BRIP1: variants seen among roughly 807,000 people sequenced by gnomAD.
The protein encoded by BRIP1 is Fanconi anemia group J protein.
Under a neutral mutation model 119.7 loss-of-function variants are expected in BRIP1, and 88 were observed. The ratio of observed to expected loss-of-function variants is 0.74; its 90% CI spans 0.62 to 0.88. The LOEUF is 0.88. Ranked by LOEUF, BRIP1 falls within the 40% of genes least tolerant of loss-of-function variation. The pLI is 0.00. For synonymous variants in BRIP1, 443 were observed against 496.5 expected (o/e 0.89, Z 1.43); for missense variants, 1,259 against 1,455.4 (o/e 0.87, Z 2.20).
Position 61,852,313 on chromosome 17 carries a change from G to T in BRIP1, c.380-3057C>A, listed in dbSNP as rs2078833270. 1.3e-5 allele frequency among the ~76,000 whole-genome samples: 2 copies of T among 152,232 alleles called. No homozygotes were observed. Among genetic ancestry groups the T allele is most frequent in the East Asian group, 3.9e-4 (2 of 5,184 alleles). On this transcript the variant is annotated intron_variant, in intron 4 of 19. Coordinates refer to ENST00000259008, the MANE Select transcript of BRIP1 (RefSeq NM_032043.3). This position sits in a 1 kb window ranked among gnomAD's most constrained non-coding sequence, Gnocchi z 4.9. Reference sequence around the variant, plus strand: ...AATCTTTAAGATACAAAGTTAAAAAGAAAGAAGATATCTCCCGATTATGTT... The same window carrying T: ...AATCTTTAAGATACAAAGTTAAAAATAAAGAAGATATCTCCCGATTATGTT...
intron 13 of BRIP1, among the ~76,000 whole-genome samples, chr17:61,779,291 T>C (rs2145061555): frequency 6.6e-6 from 1 of 152,228 alleles, no homozygotes; most frequent in East Asian, 1.9e-4. Flanking sequence ...TAAATAATTA[T>C]ACAAGCTGGG....
rs1335393546 is a variant in BRIP1, at chr17:61,726,161, C to T, written c.2380-10098G>A. Among the ~76,000 whole-genome samples the T allele has an allele frequency of 6.6e-6, 1 of 152,060 alleles. No individual in the cohort carries two copies. The highest frequency in any genetic ancestry group is 6.5e-5 in the Admixed American group (1 of 15,276). ...TTGACCTTGGACAAGTCACAGTAGC[C>T]CTTTATAATTTCCTTTCTCAATTTC... On this transcript the variant is annotated intron_variant, in intron 16 of 19. Coordinates refer to ENST00000259008, the MANE Select transcript of BRIP1 (RefSeq NM_032043.3). The surrounding 1 kb of genome is among the most constrained non-coding windows in gnomAD (Gnocchi z 6.2).
intron 16 of BRIP1, among the ~76,000 whole-genome samples, chr17:61,733,369 A>T (rs1030995389): frequency 4.6e-5 from 7 of 152,134 alleles, no homozygotes; most frequent in African/African-American, 1.7e-4. Flanking sequence ...ATTTTTTTTT[A>T]ATTCCAATAC....
At chr17:61,737,933 C>T (rs1017018195) in intron 16 of BRIP1, among the ~76,000 whole-genome samples, 1 of 152,248 alleles carries the variant, frequency 6.6e-6, no homozygotes, top group African/African-American at 2.4e-5. Context: ...TGTGCATGGA[C>T]GTGTTTTGGG....
rs2061263670 is a variant in BRIP1 at position 61,681,087 on chromosome 17, G to A, written c.*2209C>T. ...CTTATAAAATCATCAGGTCTCATAA[G>A]AACTCAGTATCACGAGAACCGCATG... On this transcript the variant is annotated 3_prime_UTR_variant, in exon 20 of 20. Coordinates refer to ENST00000259008, the MANE Select transcript of BRIP1 (RefSeq NM_032043.3). The surrounding 1 kb of genome is among the most constrained non-coding windows in gnomAD (Gnocchi z 5.1). Among the ~76,000 whole-genome samples the A allele has an allele frequency of 6.6e-6, 1 of 152,060 alleles. No individual in the cohort carries two copies. The highest frequency in any genetic ancestry group is 2.4e-5 in the African/African-American group (1 of 41,428).
chr17:61,693,654 G>A lies in BRIP1; in HGVS notation c.2493-142C>T. 1.4e-6 allele frequency: 1 copy of A among 713,808 alleles called. No homozygotes were observed. The highest frequency in any genetic ancestry group is 2.4e-6 in the Non-Finnish European group (1 of 417,388). The allele number at this position is 713,808 out of a possible 1,614,324, so 44.2% of individuals were successfully genotyped here. On this transcript the variant is annotated intron_variant, in intron 17 of 19. Transcript: ENST00000259008. The surrounding 1 kb of genome is among the most constrained non-coding windows in gnomAD (Gnocchi z 4.2). ...TGTTATTATCAGAAAAGTTACAGAA[G>A]CTATCCAACACAATGTAACAAACTA...
chr17:61,693,770 A>T lies in BRIP1; in HGVS notation c.2493-258T>A, dbSNP rs564466810. On this transcript the variant is annotated intron_variant, in intron 17 of 19. Coordinates refer to ENST00000259008, the MANE Select transcript of BRIP1 (RefSeq NM_032043.3). The surrounding 1 kb of genome is among the most constrained non-coding windows in gnomAD (Gnocchi z 4.2). ...TTTTGCACTCAAGAAAATTATAGAA[A>T]ATATATTCTAAGATCTTTCTTAGCC... 1.7e-4 allele frequency among the ~76,000 whole-genome samples: 26 copies of T among 152,246 alleles called. No homozygotes were observed. Among genetic ancestry groups the T allele is most frequent in the African/African-American group, 5.3e-4 (22 of 41,572 alleles).
intron 10 of BRIP1, among the ~76,000 whole-genome samples, chr17:61,790,363 G>T (rs2077796229): frequency 6.6e-6 from 1 of 152,032 alleles, no homozygotes; most frequent in African/African-American, 2.4e-5. Context: ...TGACCAACAT[G>T]GAGAAACTCC....
At chr17:61,765,418 TATA>T (rs1567799140) in intron 14 of BRIP1, among the ~76,000 whole-genome samples, 59 of 14,190 alleles carry the variant, frequency 4.2e-3, no homozygotes, top group African/African-American at 5.4e-3. Flanking sequence ...TATATATATA[TATA>T]TATTTTTTTT....
chr17:61,848,021 T>G lies in BRIP1; in HGVS notation c.508-801A>C, dbSNP rs890844132. On this transcript the variant is annotated intron_variant, in intron 5 of 19. Transcript: ENST00000259008. This position sits in a 1 kb window ranked among gnomAD's most constrained non-coding sequence, Gnocchi z 4.3. Reference sequence around the variant, plus strand: ...ATAAAATAAACTAGTTCATTCTATTTCTAAAAACAAGGCTGAATTATAGAA... The same window carrying G: ...ATAAAATAAACTAGTTCATTCTATTGCTAAAAACAAGGCTGAATTATAGAA... Among the ~76,000 whole-genome samples the G allele has an allele frequency of 2.6e-5, 4 of 152,188 alleles. No homozygotes were observed. Among genetic ancestry groups the G allele is most frequent in the African/African-American group, 9.6e-5 (4 of 41,454 alleles).
rs2077666975 is a variant in BRIP1, at chr17:61,784,263, C to T, written c.1628+7G>A. The stretch of plus-strand genomic sequence containing the variant: ...AAGGAAAATACATACTAGTTATCTT[C>T]ACTTACCTGCTATTTTGCCTAAAAA... On this transcript the variant is annotated splice_region_variant and intron_variant, in intron 11 of 19. Coordinates refer to ENST00000259008, the MANE Select transcript of BRIP1 (RefSeq NM_032043.3). 1 of 1,610,616 alleles carries T rather than the reference C, an allele frequency of 6.2e-7. No homozygotes were observed. The highest frequency in any genetic ancestry group is 1.7e-5 in the Admixed American group (1 of 59,996).
chr17:61,680,081 G>A lies in BRIP1; in HGVS notation c.*3215C>T, dbSNP rs1023815880. Among the ~76,000 whole-genome samples, 6 of 151,662 alleles carry A rather than the reference G, an allele frequency of 4.0e-5. No individual in the cohort carries two copies. The highest frequency in any genetic ancestry group is 2.0e-4 in the Admixed American group (3 of 15,208). On this transcript the variant is annotated 3_prime_UTR_variant, in exon 20 of 20. Transcript: ENST00000259008. Reference sequence around the variant, plus strand: ...ATCTAGGCCAGGCATGGTGGCTCACGCCTGTAATCCCAACACTTTGGGAGG... The same window carrying A: ...ATCTAGGCCAGGCATGGTGGCTCACACCTGTAATCCCAACACTTTGGGAGG...
At position 61,758,714 on chromosome 17, in the gene BRIP1, G is replaced by A. The variant is rs1236429228; in HGVS notation, c.2098-14123C>T. Among the ~76,000 whole-genome samples the A allele has an allele frequency of 6.6e-6, 1 of 152,016 alleles. No homozygotes were observed. The highest frequency in any genetic ancestry group is 1.5e-5 in the Non-Finnish European group (1 of 68,016). ...TAATTCACAATGCTGGGTGGGCGTG[G>A]TCACTCATGCCTGTAATTCCAGCAC... On this transcript the variant is annotated intron_variant, in intron 14 of 19. Transcript: ENST00000259008. The surrounding 1 kb of genome is among the most constrained non-coding windows in gnomAD (Gnocchi z 5.3).
Position 61,795,358 on chromosome 17 carries a change from T to C in BRIP1, c.1341-1629A>G, listed in dbSNP as rs1273081190. ...ATTCATTCATTCTATTTTTCTTTTTTTTGTACTCATTAACCAACCCCTCCT... is the reference window on the plus strand; with the variant it reads ...ATTCATTCATTCTATTTTTCTTTTTCTTGTACTCATTAACCAACCCCTCCT... On this transcript the variant is annotated intron_variant, in intron 9 of 19. Coordinates refer to ENST00000259008, the MANE Select transcript of BRIP1 (RefSeq NM_032043.3). This position sits in a 1 kb window ranked among gnomAD's most constrained non-coding sequence, Gnocchi z 5.6. 6.6e-6 allele frequency among the ~76,000 whole-genome samples: 1 copy of C among 152,012 alleles called. No homozygotes were observed. The highest frequency in any genetic ancestry group is 1.5e-5 in the Non-Finnish European group (1 of 67,940).
rs549309556 is a variant in BRIP1 at position 61,756,382 on chromosome 17, G to A, written c.2098-11791C>T. On this transcript the variant is annotated intron_variant, in intron 14 of 19. Transcript: ENST00000259008. This position sits in a 1 kb window ranked among gnomAD's most constrained non-coding sequence, Gnocchi z 4.3. ...CTTATGGCTTACATATATGAAAAAT[G>A]TGAGGTATCTTTGTTGAAAATATCC... Among the ~76,000 whole-genome samples the A allele has an allele frequency of 6.6e-6, 1 of 152,314 alleles. No individual in the cohort carries two copies. The highest frequency in any genetic ancestry group is 2.4e-5 in the African/African-American group (1 of 41,578).
rs183311091 is a variant in BRIP1 at position 61,705,405 on chromosome 17, G to A, written c.2492+10546C>T. ...TGAATTGTGCTGTGATGAACACACA[G>A]CTGCATGTGTCTTTTTGGCAGAATG... On this transcript the variant is annotated intron_variant, in intron 17 of 19. Coordinates refer to ENST00000259008, the MANE Select transcript of BRIP1 (RefSeq NM_032043.3). The surrounding 1 kb of genome is among the most constrained non-coding windows in gnomAD (Gnocchi z 5.0). Among the ~76,000 whole-genome samples the A allele has an allele frequency of 2.7e-4, 41 of 152,198 alleles. 1 individual carries two copies. Among genetic ancestry groups the A allele is most frequent in the African/African-American group, 8.4e-4 (35 of 41,542 alleles).
In BRIP1 at chr17:61,823,469, A is replaced by G. The variant is rs1309237960; in HGVS notation, c.628-14712T>C. On this transcript the variant is annotated intron_variant, in intron 6 of 19. Coordinates refer to ENST00000259008, the MANE Select transcript of BRIP1 (RefSeq NM_032043.3). This position sits in a 1 kb window ranked among gnomAD's most constrained non-coding sequence, Gnocchi z 4.8. The stretch of plus-strand genomic sequence containing the variant: ...CAATAACTGAAAAGAAAAATCCACT[A>G]GTAAGATTTAACACCAAATTAGAAA... Among the ~76,000 whole-genome samples the G allele has an allele frequency of 6.6e-6, 1 of 152,214 alleles. No individual in the cohort carries two copies. Among genetic ancestry groups the G allele is most frequent in the Non-Finnish European group, 1.5e-5 (1 of 68,032 alleles).
rs960703817 is a variant in BRIP1 at position 61,759,227 on chromosome 17, G to C, written c.2098-14636C>G. On this transcript the variant is annotated intron_variant, in intron 14 of 19. Transcript: ENST00000259008. This position sits in a 1 kb window ranked among gnomAD's most constrained non-coding sequence, Gnocchi z 4.9. ...GCACAGAGGCTGAAAGTGAGCAGCT[G>C]AAAAAAGCTATTCAACAAAATGGAA... is the stretch of plus-strand genomic sequence containing the variant. Among the ~76,000 whole-genome samples the C allele has an allele frequency of 1.3e-5, 2 of 151,966 alleles. No individual in the cohort carries two copies. Among genetic ancestry groups the C allele is most frequent in the Non-Finnish European group, 2.9e-5 (2 of 67,978 alleles).
intron 4 of BRIP1, among the ~76,000 whole-genome samples, chr17:61,855,662 T>C (rs529657031): frequency 2.6e-5 from 4 of 152,014 alleles, no homozygotes; most frequent in Non-Finnish European, 4.4e-5. Flanking sequence ...TTTTAAAAGG[T>C]TGTATATAAA....
Sources: allele counts gnomAD v4.1 joint callset (sites outside exome capture counted in the v4.1 genomes callset), GRCh38; gene constraint gnomAD v4.1.1; non-coding constraint Gnocchi (gnomAD v3.1); transcripts MANE v1.5; gene names NCBI Gene and HGNC (gene_info 2026-07-23, HGNC 2026-07-21).